POMGNT1: variants seen among roughly 807,000 people sequenced by gnomAD.
POMGNT1 encodes protein O-linked mannose N-acetylglucosaminyltransferase 1 (beta 1,2-).
POMGNT1 carries 67 observed loss-of-function variants against 95.6 expected under a neutral mutation model. That is an observed-to-expected ratio of 0.70 (90% CI 0.58 to 0.86). POMGNT1 has a LOEUF of 0.86. Among genes scored for constraint, POMGNT1 ranks in the 40% least tolerant of loss-of-function variants. POMGNT1 has a pLI of 0.00. For missense variants in POMGNT1, 719 were observed against 855.2 expected (o/e 0.84, Z 1.99); for synonymous variants, 298 against 317.9 (o/e 0.94, Z 0.66).
chr1:46,209,537 CTTTTTT>C (rs55948355), intron 1 of POMGNT1, among the ~76,000 whole-genome samples: 2 of 139,822 alleles, frequency 1.4e-5, no homozygotes, highest in Non-Finnish European at 3.1e-5. Context: ...TTGTTGTTTT[CTTTTTT>C]TTTTTCTTTT....
chr1:46,202,637 T>C (rs139308076), upstream of POMGNT1, among the ~76,000 whole-genome samples: 773 of 132,682 alleles, frequency 5.8e-3, 6 homozygotes, highest in Middle Eastern at 0.058. Flanking sequence ...CAGAGGTTTG[T>C]AGTGAGCCAA....
chr1:46,197,973 C>T, intron 1 of POMGNT1, 102 bp from the exon 2 acceptor site: 2 of 1,167,024 alleles, frequency 1.7e-6, no homozygotes, highest in South Asian at 1.5e-5. Context: ...TCCCTGCAAG[C>T]ACCCATACTG....
At chr1:46,215,729 T>C (rs1307970997) in intron 1 of POMGNT1, among the ~76,000 whole-genome samples, 1 of 152,012 alleles carries the variant, frequency 6.6e-6, no homozygotes, top group Non-Finnish European at 1.5e-5. Context: ...TGAGACCCCA[T>C]CTACAAAAAA....
At position 46,193,866 on chromosome 1, in the gene POMGNT1, A is replaced by G. The variant is rs1254866212; in HGVS notation, c.939T>C (p.Asn313=). 6.2e-7 allele frequency: 1 copy of G among 1,613,972 alleles called. No individual in the cohort carries two copies. The highest frequency in any genetic ancestry group is 1.3e-5 in the African/African-American group (1 of 74,914). ...ATTCCCAGGCTTACCTGTACAGGTA[A>G]TTGGGTCGGTTCCCTGCAATGACAG... ...PVAVIAGNRP[N]YLYRMLRSLL... The change falls in exon 10 of 22, where the codon AAT becomes AAC. Residue 313 remains asparagine, a synonymous_variant. Coordinates refer to ENST00000371984, the MANE Select transcript of POMGNT1 (RefSeq NM_017739.4).
In POMGNT1 at chr1:46,189,316, G is replaced by A. The variant is rs758707834; in HGVS notation, c.1937C>T (p.Pro646Leu). Reference protein sequence around the residue: ...PPSVTPIFLEPPPKEEGAPGA... With the variant: ...PPSVTPIFLELPPKEEGAPGA... ...TGGGGCTCCCTCCTCCTTTGGGGGTGGCTCCAGGAAAATTGGGGTGACTGA... is the reference window on the plus strand; with the variant it reads ...TGGGGCTCCCTCCTCCTTTGGGGGTAGCTCCAGGAAAATTGGGGTGACTGA... The change falls in exon 22 of 22, where the codon CCA becomes CTA. Residue 646 changes from proline (P) to leucine (L), a missense_variant. This residue lies in a region of POMGNT1 where 130 missense variants were observed against 149.2 expected (regional missense o/e 0.87). Coordinates refer to ENST00000371984, the MANE Select transcript of POMGNT1 (RefSeq NM_017739.4). 12 of 1,613,748 alleles carry A rather than the reference G, an allele frequency of 7.4e-6. No homozygotes were observed. The highest frequency in any genetic ancestry group is 1.7e-4 in the Middle Eastern group (1 of 5,872).
At position 46,193,432 on chromosome 1, in the gene POMGNT1, T is replaced by G. The variant is rs7527668; in HGVS notation, c.1027-44A>C. 2.5e-6 allele frequency: 4 copies of G among 1,602,818 alleles called. No homozygotes were observed. In the South Asian group the frequency reaches 3.3e-5, roughly 13 times the overall value. On this transcript the variant is annotated intron_variant, in intron 11 of 21. Coordinates refer to ENST00000371984, the MANE Select transcript of POMGNT1 (RefSeq NM_017739.4). ...GCTCACCATGTGAGGTCACTTTCCC[T>G]CTGCCCACCTCTGCAATCCAAGGCC...
At chr1:46,191,090 A>T in intron 17 of POMGNT1, 1 of 380,390 alleles carries the variant, frequency 2.6e-6, no homozygotes, top group East Asian at 6.4e-5. Flanking sequence ...TTCTAGAGCC[A>T]CAGATGTCAG....
At chr1:46,192,016 A>C in intron 17 of POMGNT1, 82 bp downstream of exon 17, 3 of 1,504,522 alleles carry the variant, frequency 2.0e-6, no homozygotes, top group Non-Finnish European at 2.7e-6. Flanking sequence ...AGCAAGTAGC[A>C]GAGCTAAGAT....
chr1:46,212,110 G>A (rs1225382460), intron 1 of POMGNT1, among the ~76,000 whole-genome samples: 1 of 152,116 alleles, frequency 6.6e-6, no homozygotes, highest in Non-Finnish European at 1.5e-5. Context: ...TATCATAGAT[G>A]TGAATAAAGC....
upstream of POMGNT1, among the ~76,000 whole-genome samples, chr1:46,202,696 C>CAA (rs768113273): frequency 0.038 from 1,231 of 32,220 alleles, 254 homozygotes; most frequent in Middle Eastern, 0.091. Flanking sequence ...GACTCTGTCT[C>CAA]AAAAAAAAAA....
intron 13 of POMGNT1, 79 bp from the exon 14 acceptor site, chr1:46,193,037 G>A: frequency 6.2e-7 from 1 of 1,604,310 alleles, no homozygotes; most frequent in East Asian, 2.2e-5. Context: ...CCCTCTTCTT[G>A]CAGGCAGCAT....
At chr1:46,214,214 C>T (rs1355628050) in intron 1 of POMGNT1, among the ~76,000 whole-genome samples, 7 of 151,988 alleles carry the variant, frequency 4.6e-5, no homozygotes, top group South Asian at 2.1e-4. Context: ...GTTGTGGTAG[C>T]GGGCACCTGT....
At chr1:46,202,949 G>A (rs1354879843), upstream of POMGNT1, among the ~76,000 whole-genome samples, 1 of 141,894 alleles carries the variant, frequency 7.0e-6, no homozygotes, top group Non-Finnish European at 1.5e-5. Context: ...GTGTGTGTGT[G>A]TGTGTGTGTC....
chr1:46,210,941 ATTTTTT>A (rs34921411), intron 1 of POMGNT1, among the ~76,000 whole-genome samples: 268 of 134,462 alleles, frequency 2.0e-3, no homozygotes, highest in Middle Eastern at 7.7e-3. Flanking sequence ...CACTCACCTA[ATTTTTT>A]TTTTTTTTTT....
At chr1:46,210,482 T>A (rs868722710) in intron 1 of POMGNT1, among the ~76,000 whole-genome samples, 1 of 151,774 alleles carries the variant, frequency 6.6e-6, no homozygotes, top group African/African-American at 2.4e-5. Flanking sequence ...CCCAAGACTG[T>A]CCCCCTCTTC....
upstream of POMGNT1, among the ~76,000 whole-genome samples, chr1:46,200,531 C>T (rs1384073408): frequency 6.6e-6 from 1 of 152,238 alleles, no homozygotes; most frequent in Non-Finnish European, 1.5e-5. Flanking sequence ...ATGTCTTGCT[C>T]ACCATTGTAT....
chr1:46,208,190 G>T (rs1658780585), intron 1 of POMGNT1, among the ~76,000 whole-genome samples: 1 of 151,926 alleles, frequency 6.6e-6, no homozygotes, highest in African/African-American at 2.4e-5. Context: ...ACAGGGTCTT[G>T]CTATGTTGCC....
chr1:46,189,423 C>T, intron 21 of POMGNT1, 35 bp downstream of exon 21: 1 of 1,613,564 alleles, frequency 6.2e-7, no homozygotes, highest in Non-Finnish European at 8.5e-7. Context: ...TCTCACTAGG[C>T]CTCCTGTTTC....
At chr1:46,220,271 G>A (rs1659200431) in exon 1 of POMGNT1, 1 of 1,522,590 alleles carries the variant, frequency 6.6e-7, no homozygotes, top group South Asian at 1.3e-5. Context: ...CATTAGATGT[G>A]GTCTCCCCCA....
Sources: allele counts gnomAD v4.1 joint callset (sites outside exome capture counted in the v4.1 genomes callset), GRCh38; gene constraint gnomAD v4.1.1; regional missense constraint gnomAD v4.1.1; transcripts MANE v1.5; gene names NCBI Gene and HGNC (gene_info 2026-07-23, HGNC 2026-07-21).